ACSL6: variants seen among roughly 807,000 people sequenced by gnomAD.
ACSL6 encodes long-chain-fatty-acid--CoA ligase 6.
ACSL6 carries 47 observed loss-of-function variants against 98.2 expected under a neutral mutation model. That is an observed-to-expected ratio of 0.48 (90% CI 0.38 to 0.61). The LOEUF is 0.61. Ranked by LOEUF, ACSL6 falls within the 20% of genes least tolerant of loss-of-function variation. ACSL6 has a pLI of 0.00. For synonymous variants in ACSL6, 362 were observed against 336.9 expected (o/e 1.07, Z -0.82); for missense variants, 761 against 913.4 (o/e 0.83, Z 2.15).
At chr5:131,986,892 T>TTCTC in intron 7 of ACSL6, 38 bp from the exon 8 acceptor site, 1 of 1,607,022 alleles carries the variant, frequency 6.2e-7, no homozygotes, top group Non-Finnish European at 8.5e-7. Context: ...TGCTCAAAAG[T>TTCTC]TCTCTCTCTC....
chr5:131,989,132 A>G (rs1180891785), intron 5 of ACSL6, among the ~76,000 whole-genome samples: 1 of 152,140 alleles, frequency 6.6e-6, no homozygotes, highest in African/African-American at 2.4e-5. Context: ...GGACAGTTCC[A>G]TGGCCTGCAT....
Position 131,973,319 on chromosome 5 carries a change from A to G in ACSL6, c.1150T>C (p.Cys384Arg). 1 of 1,614,206 alleles carries G rather than the reference A, an allele frequency of 6.2e-7. No homozygotes were observed. The highest frequency in any genetic ancestry group is 8.5e-7 in the Non-Finnish European group (1 of 1,180,030). ...GGGACCACAGGGAAGATGGTGGGGC[A>G]TAGAGCCTTCATGTCATCTGAGAGA... ...RLLSDDMKAL[C>R]PTIFPVVPRL... Residue 384 changes from cysteine (C) to arginine (R), a missense_variant, in exon 12 of 21, where the codon TGC (cysteine) becomes CGC (arginine). By Grantham distance (180) the Cys-to-Arg change is radical. Coordinates refer to ENST00000651883, the MANE Select transcript of ACSL6 (RefSeq NM_001009185.3).
rs118055865 is a variant in ACSL6 at position 131,988,295 on chromosome 5, G to A, written c.653-69C>T. The A allele has an allele frequency of 7.2e-5, 112 of 1,554,104 alleles. No individual in the cohort carries two copies. The East Asian group carries it at 2.5e-3, about 34-fold the overall frequency. Reference sequence around the variant, plus strand: ...TCATGAGTGCAGGCAGCATGTGCCAGGCAGCACATGCCAGGCAGCACTTCC... The same window carrying A: ...TCATGAGTGCAGGCAGCATGTGCCAAGCAGCACATGCCAGGCAGCACTTCC... On this transcript the variant is annotated intron_variant, in intron 6 of 20. Transcript: ENST00000651883.
At chr5:131,976,570 A>T in intron 10 of ACSL6, 78 bp downstream of exon 10, 1 of 1,289,998 alleles carries the variant, frequency 7.8e-7, no homozygotes, top group Non-Finnish European at 1.1e-6. Context: ...AAAAGAAAAC[A>T]AACAAATAAA....
At chr5:131,959,403 G>T in intron 20 of ACSL6, 133 bp downstream of exon 20, 1 of 911,360 alleles carries the variant, frequency 1.1e-6, no homozygotes, top group South Asian at 1.6e-5. Flanking sequence ...GCCTTCAGGG[G>T]TCCATTGGTA....
intron 1 of ACSL6, among the ~76,000 whole-genome samples, chr5:132,002,565 G>A (rs1440936720): frequency 1.3e-5 from 2 of 152,150 alleles, no homozygotes; most frequent in Non-Finnish European, 2.9e-5. Context: ...TGTTCACTTA[G>A]GAGCCCTGCT....
chr5:132,009,292 G>C (rs1412254032), intron 1 of ACSL6, among the ~76,000 whole-genome samples: 1 of 152,184 alleles, frequency 6.6e-6, no homozygotes, highest in African/African-American at 2.4e-5. Context: ...AGGTTAGGTG[G>C]CAAAAAGCAC....
intron 11 of ACSL6, 53 bp from the exon 12 acceptor site, chr5:131,973,453 G>C (rs1057315209): frequency 3.8e-6 from 6 of 1,589,016 alleles, no homozygotes; most frequent in Admixed American, 3.4e-5. Context: ...CACTACTGGC[G>C]ATAGTCCAAA....
At chr5:132,002,598 G>A (rs1412565081) in intron 1 of ACSL6, among the ~76,000 whole-genome samples, 1 of 152,290 alleles carries the variant, frequency 6.6e-6, no homozygotes, top group East Asian at 1.9e-4. Context: ...ACACGTGCTA[G>A]GGGAGAAATG....
At chr5:131,963,777 C>T (rs981927961) in intron 17 of ACSL6, among the ~76,000 whole-genome samples, 1 of 152,120 alleles carries the variant, frequency 6.6e-6, no homozygotes, top group Non-Finnish European at 1.5e-5. Context: ...AGCAATCTCT[C>T]CAAAAGAGAA....
intron 20 of ACSL6, among the ~76,000 whole-genome samples, chr5:131,956,804 A>G (rs965731027): frequency 3.3e-5 from 5 of 152,198 alleles, no homozygotes; most frequent in African/African-American, 1.2e-4. Flanking sequence ...AAAAGGTATG[A>G]GAGTCCTTAT....
intron 10 of ACSL6, 70 bp downstream of exon 10, chr5:131,976,578 A>G (rs1306606379): frequency 1.6e-6 from 2 of 1,245,774 alleles, no homozygotes; most frequent in Admixed American, 2.3e-5. Flanking sequence ...ACAAACAAAT[A>G]AAAAAAAATC....
intron 2 of ACSL6, 94 bp from the exon 3 acceptor site, chr5:131,991,061 T>C (rs1347419284): frequency 9.5e-7 from 1 of 1,051,974 alleles, no homozygotes; most frequent in East Asian, 2.4e-5. Context: ...CCAGCTCGGA[T>C]GTACAACCCG....
At chr5:131,989,336 G>A in intron 5 of ACSL6, 71 bp downstream of exon 5, 1 of 1,406,068 alleles carries the variant, frequency 7.1e-7, no homozygotes, top group Non-Finnish European at 1.0e-6. Flanking sequence ...AACAGTGAAA[G>A]CAGGACTATT....
chr5:131,992,674 T>C (rs1016087485), intron 2 of ACSL6, among the ~76,000 whole-genome samples: 38 of 152,278 alleles, frequency 2.5e-4, no homozygotes, highest in Non-Finnish European at 4.7e-4. Flanking sequence ...GCTGCTTTCT[T>C]ACGCTTGCCC....
intron 17 of ACSL6, 37 bp from the exon 18 acceptor site, chr5:131,962,715 C>A (rs765076023): frequency 8.7e-6 from 14 of 1,609,570 alleles, no homozygotes; most frequent in Non-Finnish European, 1.0e-5. Context: ...AAGAACATGG[C>A]ACTCTCAAGC....
intron 1 of ACSL6, among the ~76,000 whole-genome samples, chr5:132,000,538 C>A (rs543374252): frequency 5.2e-4 from 79 of 152,208 alleles, no homozygotes; most frequent in African/African-American, 1.9e-3. Flanking sequence ...ACTTCCATAG[C>A]ATTTTCACTA....
intron 9 of ACSL6, among the ~76,000 whole-genome samples, chr5:131,980,721 G>A (rs1004094818): frequency 6.6e-6 from 1 of 151,970 alleles, no homozygotes; most frequent in Non-Finnish European, 1.5e-5. Context: ...CAGACCTGTG[G>A]CCCTTCCCCT....
At chr5:131,955,455 T>C (rs1752352099) in intron 20 of ACSL6, among the ~76,000 whole-genome samples, 1 of 152,156 alleles carries the variant, frequency 6.6e-6, no homozygotes, top group Admixed American at 6.5e-5. Flanking sequence ...GACCCAATAT[T>C]TATTGGAAAC....
Sources: gnomAD v4.1 joint callset for allele counts (sites outside exome capture counted in the v4.1 genomes callset) on GRCh38, gnomAD v4.1.1 for gene constraint, MANE v1.5 for transcripts, NCBI Gene and HGNC (gene_info 2026-07-23, HGNC 2026-07-21) for gene names.